Variants in PRKACB observed in about 807,000 individuals in gnomAD.
PRKACB encodes the protein protein kinase cAMP-activated catalytic subunit beta.
A neutral mutation model predicts 51.4 loss-of-function variants in PRKACB; 16 were observed. The ratio of observed to expected loss-of-function variants is 0.31; its 90% CI spans 0.21 to 0.47. PRKACB has a LOEUF of 0.47. Among genes scored for constraint, PRKACB ranks in the 20% least tolerant of loss-of-function variants. PRKACB has a pLI of 1.00. For synonymous variants in PRKACB, 147 were observed against 154.4 expected, an observed-to-expected ratio of 0.95 and a Z score of 0.35; for missense variants, 309 against 464.5, an observed-to-expected ratio of 0.67 and a Z score of 3.08.
At chr1:84,188,192 C>T (rs1665735428) in intron 5 of PRKACB, among the ~76,000 whole-genome samples, 1 of 134,004 alleles carries the variant, frequency 7.5e-6, no homozygotes, top group African/African-American at 2.7e-5. Context: ...AATCTGGAAA[C>T]CAAAATATTT....
intron 8 of PRKACB, among the ~76,000 whole-genome samples, chr1:84,208,704 T>C (rs1671709205): frequency 6.6e-6 from 1 of 152,210 alleles, no homozygotes; most frequent in Non-Finnish European, 1.5e-5. Flanking sequence ...ATGGGAAGGC[T>C]TAAAAAATAA....
At chr1:84,198,990 T>C (rs1007115249) in intron 7 of PRKACB, among the ~76,000 whole-genome samples, 9 of 148,050 alleles carry the variant, frequency 6.1e-5, no homozygotes, top group Non-Finnish European at 1.2e-4. Context: ...TATGTATATA[T>C]GTATATGTGT....
chr1:84,177,169 A>T (rs942150489), intron 1 of PRKACB, among the ~76,000 whole-genome samples: 10 of 152,030 alleles, frequency 6.6e-5, no homozygotes, highest in African/African-American at 2.4e-4. Context: ...TGCAAGTTCT[A>T]TAAATAAAAG....
intron 1 of PRKACB, among the ~76,000 whole-genome samples, chr1:84,102,717 C>T (rs1043925341): frequency 1.3e-5 from 2 of 152,146 alleles, no homozygotes; most frequent in African/African-American, 4.8e-5. Context: ...GGCTGAAAAG[C>T]TACTCACCTC....
In PRKACB at chr1:84,162,873, T is replaced by A. The variant is rs556710631; in HGVS notation, c.188-16304T>A. 2.0e-5 allele frequency among the ~76,000 whole-genome samples: 3 copies of A among 152,210 alleles called. No individual in the cohort carries two copies. In the South Asian group the frequency reaches 6.2e-4, roughly 32 times the overall value. ...ACAAGTTTTTGTCAAAAATGTGTTT[T>A]TTAAAATAACATGTGGTAGTAGCTC... On this transcript the variant is annotated intron_variant, in intron 1 of 9. Transcript: ENST00000370685.
In PRKACB at chr1:84,236,568, A is replaced by G. The variant is rs1472090443; in HGVS notation, c.*1263A>G. On this transcript the variant is annotated 3_prime_UTR_variant, in exon 10 of 10. Coordinates refer to ENST00000370685, the MANE Select transcript of PRKACB (RefSeq NM_182948.4). ...TATTTTCAGATATTTCATAATTTCT[A>G]ACCTCTGTTCTCTCAGTAAACAGAA... 2 of 152,638 alleles carry G rather than the reference A, an allele frequency of 1.3e-5. No homozygotes were observed. Among genetic ancestry groups the G allele is most frequent in the African/African-American group, 4.8e-5 (2 of 41,452 alleles). 9.5% of individuals were successfully genotyped at this position (152,638 alleles called of 1,614,324 possible). A position where few individuals can be genotyped will look rare whatever the true frequency, so the allele number is the denominator to read the frequency against.
At chr1:84,116,739 G>A (rs1000727531) in intron 1 of PRKACB, among the ~76,000 whole-genome samples, 4 of 152,010 alleles carry the variant, frequency 2.6e-5, no homozygotes, top group African/African-American at 9.7e-5. Flanking sequence ...GTTTTTCTAG[G>A]TATAAGATCA....
At chr1:84,186,012 T>C (rs1387748888) in intron 5 of PRKACB, among the ~76,000 whole-genome samples, 1 of 152,050 alleles carries the variant, frequency 6.6e-6, no homozygotes, top group Admixed American at 6.6e-5. Context: ...AAAAGAAATT[T>C]TATGTTTATT....
rs78627571 is a variant in PRKACB, at chr1:84,093,245, G to T, written c.46+14874G>T. Among the ~76,000 whole-genome samples the T allele has an allele frequency of 8.2e-3, 1,242 of 151,610 alleles. 20 individuals are homozygous for T. Among genetic ancestry groups the T allele is most frequent in the African/African-American group, 0.029 (1,182 of 41,368 alleles). On this transcript the variant is annotated intron_variant, in intron 1 of 8. Transcript: ENST00000370688. ...TTTGCCTTTCATATTTAGAACTACA[G>T]TCTGTCTGGAATCAAGTGTGTGCAT...
At chr1:84,128,780 G>T (rs1474378870) in intron 1 of PRKACB, among the ~76,000 whole-genome samples, 1 of 152,102 alleles carries the variant, frequency 6.6e-6, no homozygotes, top group African/African-American at 2.4e-5. Context: ...TGGCATATCT[G>T]TCAGCATTAT....
chr1:84,086,603 G>T (rs1000740883), intron 1 of PRKACB, among the ~76,000 whole-genome samples: 1 of 152,138 alleles, frequency 6.6e-6, no homozygotes, highest in Non-Finnish European at 1.5e-5. Context: ...TCTCTTTCTT[G>T]CTGCTGTTTT....
At chr1:84,127,706 T>C (rs1651750845) in intron 1 of PRKACB, among the ~76,000 whole-genome samples, 1 of 152,142 alleles carries the variant, frequency 6.6e-6, no homozygotes, top group Non-Finnish European at 1.5e-5. Context: ...TGTTGGACTC[T>C]GACTTTTGAA....
intron 9 of PRKACB, among the ~76,000 whole-genome samples, chr1:84,220,039 T>C (rs1423966664): frequency 6.6e-6 from 1 of 152,066 alleles, no homozygotes; most frequent in Non-Finnish European, 1.5e-5. Flanking sequence ...TTTATTTGCA[T>C]AGTTGATCAT....
rs2100679623 is a variant in PRKACB, at chr1:84,157,842, T to TA, written c.187+13296dup. 2.0e-5 allele frequency among the ~76,000 whole-genome samples: 3 copies of TA among 152,342 alleles called. No individual in the cohort carries two copies. In the South Asian group the frequency reaches 6.2e-4, roughly 32 times the overall value. On this transcript the variant is annotated intron_variant, in intron 1 of 9. Transcript: ENST00000370685. ...ATTGGTTTGTTTTTGGCCATTTGGA[T>TA]AATGTTGCTATAAATATTTGAAAAG...
chr1:84,117,992 GGAGT>G (rs1368441870), intron 1 of PRKACB, among the ~76,000 whole-genome samples: 1 of 152,158 alleles, frequency 6.6e-6, no homozygotes, highest in African/African-American at 2.4e-5. Context: ...ATGCTTAGGT[GGAGT>G]GAGTGAGCCA....
chr1:84,151,093 T>G (rs1654807277), intron 1 of PRKACB, among the ~76,000 whole-genome samples: 1 of 152,130 alleles, frequency 6.6e-6, no homozygotes, highest in South Asian at 2.1e-4. Context: ...AGATTGAATC[T>G]CTTAGCAATT....
In PRKACB at chr1:84,185,188, T is replaced by G; in HGVS notation, c.560+6T>G. On this transcript the variant is annotated splice_donor_region_variant and intron_variant, in intron 5 of 9. Transcript: ENST00000370685. ...AGAAGAATTGGAAGGTTCAGGTAAC[T>G]AATGGTTTTGCTTTCTTCAAATCTT... The G allele has an allele frequency of 6.7e-7, 1 of 1,502,394 alleles. No homozygotes were observed. The highest frequency in any genetic ancestry group is 8.9e-7 in the Non-Finnish European group (1 of 1,126,480). 93.1% of individuals were successfully genotyped at this position (1,502,394 alleles called of 1,614,324 possible). A position where few individuals can be genotyped will look rare whatever the true frequency, so the allele number is the denominator to read the frequency against.
chr1:84,148,445 G>C (rs1397560551), intron 1 of PRKACB, among the ~76,000 whole-genome samples: 1 of 148,778 alleles, frequency 6.7e-6, no homozygotes, highest in Non-Finnish European at 1.5e-5. Flanking sequence ...TTATGTATCT[G>C]TCTCTCATGT....
rs932621437 is a variant in PRKACB, at chr1:84,081,939, G to C, written c.46+3568G>C. 1.5e-4 allele frequency among the ~76,000 whole-genome samples: 23 copies of C among 152,202 alleles called. 1 individual carries two copies. The highest frequency in any genetic ancestry group is 4.8e-4 in the African/African-American group (20 of 41,484). On this transcript the variant is annotated intron_variant, in intron 1 of 8. Transcript: ENST00000370688. ...ATCTCTCTGTCCTGTGGATTTGAAA[G>C]TCAGTAGGAATTAATCAAAGAAAGC...
Sources: allele counts gnomAD v4.1 joint callset (sites outside exome capture counted in the v4.1 genomes callset), GRCh38; gene constraint gnomAD v4.1.1; transcripts MANE v1.5; gene names NCBI Gene and HGNC (gene_info 2026-07-23, HGNC 2026-07-21).